Variants in KIF1B observed in about 807,000 individuals in gnomAD.
KIF1B encodes the protein kinesin-like protein KIF1B.
Under a neutral mutation model 241.9 loss-of-function variants are expected in KIF1B, and 76 were observed. The ratio of observed to expected loss-of-function variants is 0.31; its 90% CI spans 0.26 to 0.38. The LOEUF (loss-of-function observed/expected upper bound fraction) is 0.38. Ranked by LOEUF, KIF1B falls within the 10% of genes least tolerant of loss-of-function variation. KIF1B has a pLI of 1.00. For synonymous variants in KIF1B, 750 were observed against 796.7 expected (o/e 0.94, Z 0.99); for missense variants, 1,622 against 2,271.4 (o/e 0.71, Z 5.81).
At position 10,320,945 on chromosome 1, in the gene KIF1B, C is replaced by G. The variant is rs771310053; in HGVS notation, c.2210-764C>G. 9.9e-5 allele frequency among the ~76,000 whole-genome samples: 15 copies of G among 152,090 alleles called. No individual in the cohort carries two copies. In the South Asian group the frequency reaches 1.0e-3, roughly 11 times the overall value. On this transcript the variant is annotated intron_variant, in intron 23 of 48. Coordinates refer to ENST00000676179, the MANE Select transcript of KIF1B (RefSeq NM_001365951.3). ...CAAACTCCTGACCTCAGGTGATCTG[C>G]CTGCCATGGCCTCTCAAAGTAATGG... is the stretch of plus-strand genomic sequence containing the variant.
Position 10,291,072 on chromosome 1 carries a change from C to T in KIF1B, c.1435-10C>T. The T allele has an allele frequency of 6.2e-7, 1 of 1,610,638 alleles. No homozygotes were observed. The highest frequency in any genetic ancestry group is 8.5e-7 in the Non-Finnish European group (1 of 1,177,292). On this transcript the variant is annotated splice_polypyrimidine_tract_variant and intron_variant, in intron 15 of 48. Coordinates refer to ENST00000676179, the MANE Select transcript of KIF1B (RefSeq NM_001365951.3). ...TCTTTGCCTCTTTAACTGTGCGCTT[C>T]CTTCCTTAGGAATCAGAGAAGATCA...
At chr1:10,318,585 G>A (rs1308744849) in intron 22 of KIF1B, among the ~76,000 whole-genome samples, 2 of 147,176 alleles carry the variant, frequency 1.4e-5, no homozygotes, top group Non-Finnish European at 2.9e-5. Context: ...CGGGCATGGT[G>A]GCGGGCACCT....
At chr1:10,322,972 C>T (rs1053685041) in intron 24 of KIF1B, among the ~76,000 whole-genome samples, 3 of 152,084 alleles carry the variant, frequency 2.0e-5, no homozygotes, top group East Asian at 1.9e-4. Context: ...CTGGCTCTGT[C>T]GCCCAGGCTG....
intron 27 of KIF1B, among the ~76,000 whole-genome samples, chr1:10,332,506 T>G (rs1651986949): frequency 2.1e-5 from 1 of 46,904 alleles, no homozygotes; most frequent in Non-Finnish European, 4.5e-5. Context: ...TAGTCATTTT[T>G]TTTTTTTTTT....
chr1:10,300,194 G>A (rs568285501), intron 22 of KIF1B, among the ~76,000 whole-genome samples: 5 of 150,418 alleles, frequency 3.3e-5, no homozygotes, highest in East Asian at 3.9e-4. Flanking sequence ...CCAAGATCGC[G>A]CAACTGCACT....
intron 1 of KIF1B, among the ~76,000 whole-genome samples, chr1:10,230,090 A>T (rs1646961340): frequency 6.6e-6 from 1 of 151,972 alleles, no homozygotes; most frequent in African/African-American, 2.4e-5. Context: ...TGGGAGGATC[A>T]CTTGAGCCCA....
chr1:10,243,550 G>C (rs886783953), intron 2 of KIF1B, among the ~76,000 whole-genome samples: 1 of 152,190 alleles, frequency 6.6e-6, no homozygotes, highest in African/African-American at 2.4e-5. Context: ...TTATATGGCA[G>C]GTACTCTTTC....
At chr1:10,349,057 C>T (rs1288658872) in intron 37 of KIF1B, among the ~76,000 whole-genome samples, 5 of 152,172 alleles carry the variant, frequency 3.3e-5, no homozygotes, top group Admixed American at 2.0e-4. Context: ...CCTGTTTCTT[C>T]GCTCTGTCAT....
rs886044992 is a variant in KIF1B, at chr1:10,376,892, C to T, written c.*305C>T. 1 of 431,682 alleles carries T rather than the reference C, an allele frequency of 2.3e-6. No homozygotes were observed. Among genetic ancestry groups the T allele is most frequent in the East Asian group, 3.9e-5 (1 of 25,542 alleles). The allele number at this position is 431,682 out of a possible 1,614,324, so 26.7% of individuals were successfully genotyped here. A position where few individuals can be genotyped will look rare whatever the true frequency, so the allele number is the denominator to read the frequency against. ...ATACACAGACAAAAACACAAAAACTCTGAGGGGATCTGGTGAATCTCCAAA... is the reference window on the plus strand; with the variant it reads ...ATACACAGACAAAAACACAAAAACTTTGAGGGGATCTGGTGAATCTCCAAA... On this transcript the variant is annotated 3_prime_UTR_variant, in exon 49 of 49. Transcript: ENST00000676179.
Position 10,337,579 on chromosome 1 carries a change from G to T in KIF1B, c.3422+46G>T, listed in dbSNP as rs1285757006. On this transcript the variant is annotated intron_variant, in intron 31 of 48. Transcript: ENST00000676179. The surrounding 1 kb of genome is among the most constrained non-coding windows in gnomAD (Gnocchi z 4.0). Reference sequence around the variant, plus strand: ...GCCTCCCAGCTAGCTGCTAACCGAGGTGACATCTCTTGTGCACTGTAGAGT... The same window carrying T: ...GCCTCCCAGCTAGCTGCTAACCGAGTTGACATCTCTTGTGCACTGTAGAGT... The T allele has an allele frequency of 4.2e-5, 67 of 1,607,682 alleles. No homozygotes were observed. Among genetic ancestry groups the T allele is most frequent in the Non-Finnish European group, 5.6e-5 (66 of 1,174,330 alleles).
At chr1:10,260,557 A>G (rs190937237) in intron 4 of KIF1B, among the ~76,000 whole-genome samples, 4 of 152,278 alleles carry the variant, frequency 2.6e-5, no homozygotes. Flanking sequence ...TCCTTTTATA[A>G]TAACCTTTAG....
chr1:10,256,673 T>G (rs1231646222), intron 3 of KIF1B, among the ~76,000 whole-genome samples: 1 of 150,690 alleles, frequency 6.6e-6, no homozygotes, highest in African/African-American at 2.4e-5. Context: ...TATTGCCCAT[T>G]GATCTTAGGA....
intron 28 of KIF1B, among the ~76,000 whole-genome samples, chr1:10,335,087 C>T (rs1241919634): frequency 1.3e-5 from 2 of 152,036 alleles, no homozygotes; most frequent in African/African-American, 4.8e-5. Flanking sequence ...CAGATGCACA[C>T]CACCATCCCA....
intron 39 of KIF1B, among the ~76,000 whole-genome samples, chr1:10,361,278 C>T (rs1638414152): frequency 6.6e-6 from 1 of 152,218 alleles, no homozygotes. Context: ...CTTTAGTAGC[C>T]TAATCACCAT....
intron 2 of KIF1B, among the ~76,000 whole-genome samples, chr1:10,242,933 A>G (rs1203954254): frequency 6.6e-6 from 1 of 152,194 alleles, no homozygotes; most frequent in East Asian, 1.9e-4. Flanking sequence ...AGGGAAAGGT[A>G]GGTAATGTCT....
intron 7 of KIF1B, 65 bp from the exon 8 acceptor site, chr1:10,271,437 C>T: frequency 8.6e-7 from 1 of 1,166,224 alleles, no homozygotes; most frequent in Non-Finnish European, 1.3e-6. Context: ...CATTCTGCCT[C>T]TAAATATTTC....
chr1:10,366,638 G>T (rs932524313), intron 43 of KIF1B, among the ~76,000 whole-genome samples: 2 of 152,142 alleles, frequency 1.3e-5, no homozygotes, highest in Non-Finnish European at 2.9e-5. Context: ...AGTGGATGAT[G>T]GGAGCAAGGC....
Position 10,325,291 on chromosome 1 carries a change from C to T in KIF1B, c.2675+396C>T, listed in dbSNP as rs571397738. ...TTTTTCTTTTTTTTAAAAAGCAATT[C>T]ATCCCACTTTAGTCATTGCAAGGGT... On this transcript the variant is annotated intron_variant, in intron 26 of 48. Transcript: ENST00000676179. Among the ~76,000 whole-genome samples, 73 of 152,232 alleles carry T rather than the reference C, an allele frequency of 4.8e-4. 1 individual carries two copies. In the South Asian group the frequency reaches 0.015, roughly 31 times the overall value.
At chr1:10,369,642 G>A (rs945767129) in intron 44 of KIF1B, among the ~76,000 whole-genome samples, 17 of 151,744 alleles carry the variant, frequency 1.1e-4, no homozygotes, top group African/African-American at 3.9e-4. Flanking sequence ...TAATGATAAC[G>A]GACTGGGGGG....
Sources: gnomAD v4.1 joint callset for allele counts (sites outside exome capture counted in the v4.1 genomes callset) on GRCh38, gnomAD v4.1.1 for gene constraint, Gnocchi (gnomAD v3.1) non-coding constraint, MANE v1.5 for transcripts, NCBI Gene and HGNC (gene_info 2026-07-23, HGNC 2026-07-21) for gene names.